The following DCC variants were observed in gnomAD, a reference collection of about 807,000 sequenced individuals.
The protein encoded by DCC is DCC netrin 1 receptor.
Under a neutral mutation model 172.5 loss-of-function variants are expected in DCC, and 58 were observed. The ratio of observed to expected loss-of-function variants is 0.34; its 90% CI spans 0.27 to 0.42. The LOEUF (loss-of-function observed/expected upper bound fraction) is 0.42. Ranked by LOEUF, DCC falls within the 10% of genes least tolerant of loss-of-function variation. The pLI, the probability that DCC is intolerant of heterozygous loss-of-function variation, is 1.00. For missense variants in DCC, 1,740 were observed against 1,791.0 expected, an observed-to-expected ratio of 0.97 and a Z score of 0.51; for synonymous variants, 709 against 644.5, an observed-to-expected ratio of 1.10 and a Z score of -1.52.
At chr18:53,264,483 A>G (rs2056646943) in intron 12 of DCC, among the ~76,000 whole-genome samples, 1 of 151,440 alleles carries the variant, frequency 6.6e-6, no homozygotes, top group Non-Finnish European at 1.5e-5. Context: ...TCTCAAAAAA[A>G]AAAAAAAAAA....
At chr18:53,218,307 A>G (rs1568371964) in intron 12 of DCC, among the ~76,000 whole-genome samples, 1 of 152,124 alleles carries the variant, frequency 6.6e-6, no homozygotes, top group Non-Finnish European at 1.5e-5. Flanking sequence ...TTTTTGCAGA[A>G]AGATTATTAG....
chr18:53,086,001 C>CTTATTATTATTATTATTATTA, intron 7 of DCC, among the ~76,000 whole-genome samples: 7 of 23,400 alleles, frequency 3.0e-4, no homozygotes, highest in African/African-American at 1.7e-3. Flanking sequence ...CCTTCTCCTT[C>CTTATTATTATTATTATTATTA]TTCTCCTTCT....
At chr18:53,106,024 G>A (rs907754073) in intron 7 of DCC, among the ~76,000 whole-genome samples, 6 of 151,408 alleles carry the variant, frequency 4.0e-5, no homozygotes, top group African/African-American at 1.2e-4. Context: ...GGCTTTACTC[G>A]ATCTCTGTCA....
chr18:53,084,462 T>G (rs572817272), intron 7 of DCC, among the ~76,000 whole-genome samples: 2 of 152,310 alleles, frequency 1.3e-5, no homozygotes, highest in South Asian at 4.1e-4. Context: ...ACTTTTTTAT[T>G]TTTTATTTTT....
intron 1 of DCC, among the ~76,000 whole-genome samples, chr18:52,476,448 T>C (rs912979206): frequency 6.6e-6 from 1 of 152,188 alleles, no homozygotes; most frequent in Non-Finnish European, 1.5e-5. Context: ...CTTTTATTCA[T>C]TTAATGTTGC....
At chr18:52,582,803 T>C (rs969315542) in intron 1 of DCC, among the ~76,000 whole-genome samples, 2 of 152,070 alleles carry the variant, frequency 1.3e-5, no homozygotes, top group Non-Finnish European at 2.9e-5. Context: ...AGGAAATCAG[T>C]GAAGAAGAGG....
chr18:53,223,016 T>C (rs1470415726), intron 12 of DCC, among the ~76,000 whole-genome samples: 1 of 151,878 alleles, frequency 6.6e-6, no homozygotes, highest in African/African-American at 2.4e-5. Context: ...AAAGCAGAAG[T>C]GAATCAAGGA....
chr18:53,322,163 A>G lies in DCC; in HGVS notation c.2164+6A>G. 7.3e-7 allele frequency: 1 copy of G among 1,368,874 alleles called. No individual in the cohort carries two copies. The allele number at this position is 1,368,874 out of a possible 1,614,324, so 84.8% of individuals were successfully genotyped here. Reference sequence around the variant, plus strand: ...TCCAGAGAATGATCTAGATGGTAAGACTTTTTCCCAGTTACTATCACTCTG... The same window carrying G: ...TCCAGAGAATGATCTAGATGGTAAGGCTTTTTCCCAGTTACTATCACTCTG... On this transcript the variant is annotated splice_donor_region_variant and intron_variant, in intron 14 of 28. Transcript: ENST00000442544.
intron 1 of DCC, among the ~76,000 whole-genome samples, chr18:52,674,108 G>T (rs1158889931): frequency 6.6e-6 from 1 of 152,168 alleles, no homozygotes; most frequent in Non-Finnish European, 1.5e-5. Context: ...AATAAGTCCA[G>T]ATTCAATGCA....
chr18:52,529,385 G>T (rs1479679156), intron 1 of DCC, among the ~76,000 whole-genome samples: 1 of 152,162 alleles, frequency 6.6e-6, no homozygotes, highest in Non-Finnish European at 1.5e-5. Context: ...CCGCCTCCCG[G>T]GTTCACGCCA....
At chr18:53,084,395 T>A (rs2042849806) in intron 7 of DCC, among the ~76,000 whole-genome samples, 1 of 152,224 alleles carries the variant, frequency 6.6e-6, no homozygotes, top group South Asian at 2.1e-4. Flanking sequence ...TATTGGAGAT[T>A]AAACTTCAGC....
At chr18:52,376,152 A>C (rs919006030) in intron 1 of DCC, among the ~76,000 whole-genome samples, 1 of 152,190 alleles carries the variant, frequency 6.6e-6, no homozygotes, top group African/African-American at 2.4e-5. Flanking sequence ...GCTGTTTATA[A>C]AATAACTCTG....
intron 3 of DCC, among the ~76,000 whole-genome samples, chr18:52,917,914 C>T (rs534803885): frequency 6.6e-6 from 1 of 152,274 alleles, no homozygotes; most frequent in South Asian, 2.1e-4. Context: ...CATTTACGTT[C>T]ATGAGCATCA....
chr18:53,486,742 C>T (rs1014896006), intron 25 of DCC, 55 bp from the exon 26 acceptor site: 5 of 1,611,472 alleles, frequency 3.1e-6, no homozygotes, highest in South Asian at 1.1e-5. Context: ...TTCTTTTTTG[C>T]TTGTTGAGTG....
At chr18:53,245,066 T>TA (rs2056349541) in intron 12 of DCC, among the ~76,000 whole-genome samples, 4 of 152,110 alleles carry the variant, frequency 2.6e-5, no homozygotes, top group Admixed American at 2.6e-4. Flanking sequence ...AAAATGTAAT[T>TA]AGAGTCATAT....
At chr18:52,633,083 C>T (rs1312583463) in intron 1 of DCC, among the ~76,000 whole-genome samples, 1 of 152,048 alleles carries the variant, frequency 6.6e-6, no homozygotes, top group East Asian at 1.9e-4. Context: ...AATTTCATGT[C>T]ATCCTCAGTT....
chr18:53,010,770 A>G (rs1432398685), intron 5 of DCC, among the ~76,000 whole-genome samples: 1 of 150,956 alleles, frequency 6.6e-6, no homozygotes, highest in African/African-American at 2.4e-5. Flanking sequence ...CAAATTAAAT[A>G]CTCTTTACAT....
chr18:52,507,077 A>T (rs1431770922), intron 1 of DCC, among the ~76,000 whole-genome samples: 7 of 152,134 alleles, frequency 4.6e-5, no homozygotes, highest in Non-Finnish European at 4.4e-5. Flanking sequence ...TTAAAAAAAG[A>T]CTAAGAAAAT....
chr18:52,411,300 TA>T lies in DCC; in HGVS notation c.91+70424del, dbSNP rs536875012. 5.5e-4 allele frequency among the ~76,000 whole-genome samples: 83 copies of T among 152,172 alleles called. 1 individual carries two copies. The highest frequency in any genetic ancestry group is 9.3e-4 in the Non-Finnish European group (63 of 68,026). On this transcript the variant is annotated intron_variant, in intron 1 of 28. Transcript: ENST00000442544. ...CATGGCATCTCTCGGGAAGTCTCTG[TA>T]ATGCTACCCCTTCTTCAGCTCTTAG...
Sources: gnomAD v4.1 joint callset for allele counts (sites outside exome capture counted in the v4.1 genomes callset) on GRCh38, gnomAD v4.1.1 for gene constraint, MANE v1.5 for transcripts, NCBI Gene and HGNC (gene_info 2026-07-23, HGNC 2026-07-21) for gene names.